Variants in ADAMTSL1 observed in about 807,000 individuals in gnomAD.
ADAMTSL1 encodes ADAMTS like 1.
In ADAMTSL1, 126 loss-of-function variants were observed where a neutral mutation model predicts 201.8. That is an observed-to-expected ratio of 0.62 (90% CI 0.54 to 0.72). ADAMTSL1 has a LOEUF of 0.72. ADAMTSL1 is among the 30% of genes least tolerant of loss of function. The pLI is 0.00. For synonymous variants in ADAMTSL1, 1,121 were observed against 903.4 expected (o/e 1.24, Z -4.32); for missense variants, 2,679 against 2,277.8 (o/e 1.18, Z -3.59).
intron 2 of ADAMTSL1, among the ~76,000 whole-genome samples, chr9:18,415,483 A>G (rs775716742): frequency 1.3e-5 from 2 of 152,168 alleles, no homozygotes; most frequent in African/African-American, 4.8e-5. Flanking sequence ...AAGATATACT[A>G]ATAGAAAGAT....
intron 1 of ADAMTSL1, among the ~76,000 whole-genome samples, chr9:18,071,900 T>C (rs1014214884): frequency 6.6e-6 from 1 of 152,222 alleles, no homozygotes; most frequent in African/African-American, 2.4e-5. Context: ...TGTGTGTCCC[T>C]TGCTAGAACA....
At chr9:18,621,876 G>C (rs962769162) in intron 4 of ADAMTSL1, among the ~76,000 whole-genome samples, 1 of 152,068 alleles carries the variant, frequency 6.6e-6, no homozygotes, top group African/African-American at 2.4e-5. Context: ...TGTCATTTGA[G>C]TGCATCATAA....
At chr9:17,932,089 A>C (rs1297909312) in intron 1 of ADAMTSL1, among the ~76,000 whole-genome samples, 2 of 152,080 alleles carry the variant, frequency 1.3e-5, no homozygotes, top group Non-Finnish European at 2.9e-5. Context: ...TTCCTGCCAG[A>C]TTTTGTTGTG....
intron 1 of ADAMTSL1, among the ~76,000 whole-genome samples, chr9:18,104,228 G>T (rs937467072): frequency 6.6e-6 from 1 of 152,108 alleles, no homozygotes; most frequent in Admixed American, 6.5e-5. Context: ...CCTCTTCTCT[G>T]CTGAATGATC....
chr9:18,059,738 C>A (rs139726930), intron 1 of ADAMTSL1, among the ~76,000 whole-genome samples: 5 of 152,066 alleles, frequency 3.3e-5, no homozygotes, highest in African/African-American at 1.2e-4. Flanking sequence ...TGTTTTTATT[C>A]TTTTTAAGCT....
chr9:18,535,686 G>T (rs572396122), intron 3 of ADAMTSL1, among the ~76,000 whole-genome samples: 1 of 152,264 alleles, frequency 6.6e-6, no homozygotes, highest in South Asian at 2.1e-4. Context: ...CAGGGGTGGG[G>T]ATTGTAAGTA....
chr9:18,239,009 A>T (rs962827253), intron 2 of ADAMTSL1, among the ~76,000 whole-genome samples: 2 of 152,222 alleles, frequency 1.3e-5, no homozygotes, highest in Admixed American at 1.3e-4. Flanking sequence ...ACTATACTGT[A>T]ATCTATTAAG....
intron 23 of ADAMTSL1, among the ~76,000 whole-genome samples, chr9:18,887,583 CAGAA>C (rs1828979545): frequency 6.6e-6 from 1 of 152,020 alleles, no homozygotes; most frequent in African/African-American, 2.4e-5. Context: ...GGGACATAAA[CAGAA>C]AGAAACAGGT....
At chr9:18,571,511 T>C (rs563212625) in intron 3 of ADAMTSL1, among the ~76,000 whole-genome samples, 1 of 152,328 alleles carries the variant, frequency 6.6e-6, no homozygotes, top group African/African-American at 2.4e-5. Flanking sequence ...ATAGGTACTA[T>C]CAAACGAAAA....
intron 1 of ADAMTSL1, among the ~76,000 whole-genome samples, chr9:17,976,699 GCTCT>G (rs532750844): frequency 6.8e-6 from 1 of 146,800 alleles, no homozygotes; most frequent in African/African-American, 2.5e-5. Context: ...TCTTGCTCTC[GCTCT>G]CTCTCTCTCC....
chr9:18,417,268 TC>T (rs1453794222), intron 2 of ADAMTSL1, among the ~76,000 whole-genome samples: 1 of 151,470 alleles, frequency 6.6e-6, no homozygotes, highest in Non-Finnish European at 1.5e-5. Flanking sequence ...GCACTAAATT[TC>T]TGTTAGTAAA....
chr9:18,120,786 C>G (rs1438251679), intron 1 of ADAMTSL1, among the ~76,000 whole-genome samples: 1 of 152,116 alleles, frequency 6.6e-6, no homozygotes, highest in African/African-American at 2.4e-5. Flanking sequence ...GTAAGATAGA[C>G]TATATTTCAA....
intron 15 of ADAMTSL1, among the ~76,000 whole-genome samples, chr9:18,733,936 G>C (rs1305714424): frequency 1.4e-5 from 2 of 144,752 alleles, no homozygotes; most frequent in Admixed American, 7.1e-5. Flanking sequence ...ACTCAGCTAA[G>C]AATTAGGAAA....
rs1183657859 is a variant in ADAMTSL1, at chr9:17,912,489, G to C, written c.87+5567G>C. Among the ~76,000 whole-genome samples, 95 of 56,858 alleles carry C rather than the reference G, an allele frequency of 1.7e-3. 6 individuals carry two copies. The highest frequency in any genetic ancestry group is 3.1e-3 in the African/African-American group (93 of 29,744). 37.3% of individuals were successfully genotyped at this position (56,858 alleles called of 152,430 possible). A position where few individuals can be genotyped will look rare whatever the true frequency, so the allele number is the denominator to read the frequency against. The stretch of plus-strand genomic sequence containing the variant: ...TTTGGCTGCATAAATGTCTTCTTTT[G>C]AGAAGTGTCTGTTCATGTCCTTCGC... On this transcript the variant is annotated intron_variant, in intron 1 of 29. Transcript: ENST00000680146.
chr9:18,068,011 G>C (rs972261325), intron 1 of ADAMTSL1, among the ~76,000 whole-genome samples: 1 of 152,046 alleles, frequency 6.6e-6, no homozygotes, highest in Non-Finnish European at 1.5e-5. Flanking sequence ...ATTTGAAAGG[G>C]AGACTGTGGA....
At chr9:18,271,536 T>C (rs995156604) in intron 2 of ADAMTSL1, among the ~76,000 whole-genome samples, 17 of 152,208 alleles carry the variant, frequency 1.1e-4, no homozygotes, top group Non-Finnish European at 2.2e-4. Flanking sequence ...TAGTATTCCA[T>C]GGTGTATATG....
At chr9:18,064,179 C>A (rs1395349185) in intron 1 of ADAMTSL1, among the ~76,000 whole-genome samples, 1 of 152,122 alleles carries the variant, frequency 6.6e-6, no homozygotes, top group Admixed American at 6.5e-5. Context: ...TGGGAGTGTG[C>A]AGCTGGATGG....
chr9:17,987,282 A>T (rs772936424), intron 1 of ADAMTSL1, among the ~76,000 whole-genome samples: 1 of 152,072 alleles, frequency 6.6e-6, no homozygotes, highest in Non-Finnish European at 1.5e-5. Context: ...GTATTTCCCC[A>T]GATGATAAGC....
intron 3 of ADAMTSL1, among the ~76,000 whole-genome samples, chr9:18,546,507 C>A (rs1024707434): frequency 5.9e-5 from 9 of 152,080 alleles, no homozygotes; most frequent in African/African-American, 1.9e-4. Context: ...CCGTATCCAA[C>A]AACATACCAA....
Sources: allele counts gnomAD v4.1 joint callset (sites outside exome capture counted in the v4.1 genomes callset), GRCh38; gene constraint gnomAD v4.1.1; transcripts MANE v1.5; gene names NCBI Gene and HGNC (gene_info 2026-07-23, HGNC 2026-07-21).